ABI3BP: variants seen among roughly 807,000 people sequenced by gnomAD.
ABI3BP encodes target of Nesh-SH3.
In ABI3BP, 216 loss-of-function variants were observed where a neutral mutation model predicts 268.6. The ratio of observed to expected loss-of-function variants is 0.80; its 90% CI spans 0.72 to 0.90. The LOEUF (loss-of-function observed/expected upper bound fraction) is 0.90, where lower values mean the gene tolerates loss of function less well. Ranked by LOEUF, ABI3BP falls within the 40% of genes least tolerant of loss-of-function variation. The pLI, the probability that ABI3BP is intolerant of heterozygous loss-of-function variation, is 0.00. For missense variants in ABI3BP, 2,090 were observed against 2,182.4 expected, an observed-to-expected ratio of 0.96 and a Z score of 0.84; for synonymous variants, 730 against 730.0, an observed-to-expected ratio of 1.00 and a Z score of 0.00.
rs1035475247 is a variant in ABI3BP at position 100,921,795 on chromosome 3, AATAG to A, written c.259+4503_259+4506del. Among the ~76,000 whole-genome samples, 51 of 152,358 alleles carry A rather than the reference AATAG, an allele frequency of 3.3e-4. No homozygotes were observed. The Middle Eastern group carries it at 0.01, about 30-fold the overall frequency. On this transcript the variant is annotated intron_variant, in intron 2 of 67. Transcript: ENST00000471714. The stretch of plus-strand genomic sequence containing the variant: ...GTCAATACTTAATAAATAGAAAGAT[AATAG>A]ATAGGTATTAAATGTAAAAATGGTT...
intron 46 of ABI3BP, 59 bp from the exon 47 acceptor site, chr3:100,811,858 G>T: frequency 8.6e-7 from 1 of 1,167,462 alleles, no homozygotes; most frequent in Non-Finnish European, 1.2e-6. Context: ...CACTGTAATA[G>T]AACCCTGCAT....
chr3:100,758,292 G>A (rs2095745573), intron 63 of ABI3BP, among the ~76,000 whole-genome samples: 1 of 152,068 alleles, frequency 6.6e-6, no homozygotes, highest in Non-Finnish European at 1.5e-5. Context: ...CTATTTGTGA[G>A]GATACTATTC....
Position 100,850,646 on chromosome 3 carries a change from G to T in ABI3BP, c.1426+14C>A. 1 of 1,587,520 alleles carries T rather than the reference G, an allele frequency of 6.3e-7. No homozygotes were observed. Among genetic ancestry groups the T allele is most frequent in the Non-Finnish European group, 8.6e-7 (1 of 1,160,718 alleles). On this transcript the variant is annotated intron_variant, in intron 16 of 67. Transcript: ENST00000471714. ...ATGGAAAATAAAGTATGATTTTTCT[G>T]TTAAAAACATTACCCAGTGTTGCCC... is the stretch of plus-strand genomic sequence containing the variant.
chr3:100,874,051 T>A (rs369745572), intron 9 of ABI3BP, among the ~76,000 whole-genome samples: 39 of 152,328 alleles, frequency 2.6e-4, no homozygotes, highest in African/African-American at 9.1e-4. Context: ...CAAGGTATTC[T>A]CTAGAGACAT....
rs1363324126 is a variant in ABI3BP at position 100,780,158 on chromosome 3, T to C, written c.4214A>G (p.Asp1405Gly). ...PSGADRNVSV[D>G]STHPTKKPGT... ...TGGCTTTTTAGTGGGGTGGGTAGAG[T>C]CCACTGATACATTTCTATCAGCACC... is the stretch of plus-strand genomic sequence containing the variant. Residue 1405 changes from aspartate (D) to glycine (G), a missense_variant, in exon 58 of 68, where the codon GAC (aspartate) becomes GGC (glycine). Physicochemically the swap from Asp to Gly is moderately conservative, Grantham distance 94 (BLOSUM62 -1). Coordinates refer to ENST00000471714, the MANE Select transcript of ABI3BP (RefSeq NM_001375547.2). 1 of 1,612,864 alleles carries C rather than the reference T, an allele frequency of 6.2e-7. No individual in the cohort carries two copies. The highest frequency in any genetic ancestry group is 1.1e-5 in the South Asian group (1 of 91,008).
intron 40 of ABI3BP, among the ~76,000 whole-genome samples, chr3:100,818,927 G>A (rs750954075): frequency 6.6e-6 from 1 of 152,146 alleles, no homozygotes; most frequent in African/African-American, 2.4e-5. Context: ...GCATGTTTGT[G>A]GAAGCTTTAA....
chr3:100,953,916 T>C (rs1016813904), intron 1 of ABI3BP, among the ~76,000 whole-genome samples: 3 of 152,164 alleles, frequency 2.0e-5, no homozygotes, highest in Non-Finnish European at 4.4e-5. Flanking sequence ...TGCTCATAGA[T>C]ACTTGGAAAC....
intron 16 of ABI3BP, 63 bp downstream of exon 16, chr3:100,850,597 G>A (rs908934070): frequency 1.2e-5 from 14 of 1,184,204 alleles, no homozygotes; most frequent in Non-Finnish European, 1.8e-5. Flanking sequence ...TGGAAGAAAG[G>A]CATTCACATG....
At position 100,837,008 on chromosome 3, in the gene ABI3BP, TA is replaced by T; in HGVS notation, c.2131+115del. The T allele has an allele frequency of 7.5e-6, 8 of 1,062,632 alleles. No homozygotes were observed. The South Asian group carries it at 1.4e-4, about 19-fold the overall frequency. The allele number at this position is 1,062,632 out of a possible 1,614,324, so 65.8% of individuals were successfully genotyped here. A position where few individuals can be genotyped will look rare whatever the true frequency, so the allele number is the denominator to read the frequency against. ...CCCTGTTGAAAATAGTGAAAATTTT[TA>T]AAAATGAAAACAAAAATGGTGAATG... is the stretch of plus-strand genomic sequence containing the variant. On this transcript the variant is annotated intron_variant, in intron 27 of 67. Transcript: ENST00000471714.
At chr3:100,809,849 A>G (rs2097805978) in intron 49 of ABI3BP, among the ~76,000 whole-genome samples, 2 of 152,138 alleles carry the variant, frequency 1.3e-5, no homozygotes, top group Admixed American at 1.3e-4. Flanking sequence ...TACTATGTAA[A>G]GCTTTGTGAT....
At chr3:100,878,124 A>G (rs2099182413) in intron 6 of ABI3BP, among the ~76,000 whole-genome samples, 1 of 152,246 alleles carries the variant, frequency 6.6e-6, no homozygotes, top group Non-Finnish European at 1.5e-5. Flanking sequence ...GTTTATTATC[A>G]TAACTTAAAA....
In ABI3BP at chr3:100,986,772, A is replaced by T. The variant is rs111984181; in HGVS notation, c.79+6534T>A. Among the ~76,000 whole-genome samples, 776 of 152,264 alleles carry T rather than the reference A, an allele frequency of 5.1e-3. 7 individuals carry two copies. Among genetic ancestry groups the T allele is most frequent in the African/African-American group, 0.016 (658 of 41,560 alleles). On this transcript the variant is annotated intron_variant, in intron 1 of 67. Coordinates refer to ENST00000471714, the MANE Select transcript of ABI3BP (RefSeq NM_001375547.2). ...ATATACTCTTTAAACTTAATTTCTTATCTGTGAAATGGAGCTAATAATAAT... is the reference window on the plus strand; with the variant it reads ...ATATACTCTTTAAACTTAATTTCTTTTCTGTGAAATGGAGCTAATAATAAT...
intron 1 of ABI3BP, among the ~76,000 whole-genome samples, chr3:100,960,913 C>CA (rs1311832020): frequency 6.6e-6 from 1 of 152,196 alleles, no homozygotes; most frequent in Non-Finnish European, 1.5e-5. Flanking sequence ...GAGCCCATGC[C>CA]AGCTGACACT....
chr3:100,988,563 T>C (rs897832747), intron 1 of ABI3BP, among the ~76,000 whole-genome samples: 1 of 152,110 alleles, frequency 6.6e-6, no homozygotes, highest in Non-Finnish European at 1.5e-5. Flanking sequence ...AAGACCTCTA[T>C]TTGGGTTTCT....
At chr3:100,964,445 T>C (rs1489806286) in intron 1 of ABI3BP, among the ~76,000 whole-genome samples, 2 of 152,150 alleles carry the variant, frequency 1.3e-5, no homozygotes, top group African/African-American at 4.8e-5. Flanking sequence ...CTCAGAGACC[T>C]CTCTCTCTAT....
At position 100,770,917 on chromosome 3, in the gene ABI3BP, T is replaced by C. The variant is rs764590389; in HGVS notation, c.4567A>G (p.Ser1523Gly). The change falls in exon 62 of 68, where the codon AGT becomes GGT. Residue 1523 changes from serine to glycine, a missense_variant. Coordinates refer to ENST00000471714, the MANE Select transcript of ABI3BP (RefSeq NM_001375547.2). ...ACAGAGTCAGTAATGGAGCAGGGACTGTTGTCAGGCTTTTGGATGTATCGC... is the reference window on the plus strand; with the variant it reads ...ACAGAGTCAGTAATGGAGCAGGGACCGTTGTCAGGCTTTTGGATGTATCGC... ...HVRYIQKPDN[S>G]PCSITDSVKR... is the part of the protein sequence containing the mutation. 1 of 1,596,022 alleles carries C rather than the reference T, an allele frequency of 6.3e-7. No homozygotes were observed. Among genetic ancestry groups the C allele is most frequent in the Non-Finnish European group, 8.5e-7 (1 of 1,171,242 alleles).
intron 1 of ABI3BP, among the ~76,000 whole-genome samples, chr3:100,935,597 T>C (rs748694590): frequency 2.0e-5 from 3 of 151,530 alleles, no homozygotes; most frequent in Non-Finnish European, 2.9e-5. Context: ...ATATTGATTC[T>C]TCCTATCCAT....
chr3:100,847,411 A>G (rs1028371303), intron 19 of ABI3BP, among the ~76,000 whole-genome samples, 191 bp downstream of exon 19: 1 of 152,212 alleles, frequency 6.6e-6, no homozygotes, highest in African/African-American at 2.4e-5. Flanking sequence ...GTTCAGATCT[A>G]CTAACTGTTG....
chr3:100,959,812 G>T (rs1168600029), intron 1 of ABI3BP, among the ~76,000 whole-genome samples: 3 of 152,140 alleles, frequency 2.0e-5, no homozygotes, highest in Admixed American at 6.5e-5. Flanking sequence ...TGCAAACTCA[G>T]CTCAACTAAT....
Sources: gnomAD v4.1 joint callset for allele counts (sites outside exome capture counted in the v4.1 genomes callset) on GRCh38, gnomAD v4.1.1 for gene constraint, MANE v1.5 for transcripts, NCBI Gene and HGNC (gene_info 2026-07-23, HGNC 2026-07-21) for gene names.